The following KCNQ1 variants were observed in gnomAD, a reference collection of about 807,000 sequenced individuals.
KCNQ1 encodes potassium voltage-gated channel subfamily Q member 1, also known as potassium voltage-gated channel subfamily KQT member 1.
A neutral mutation model predicts 72.4 loss-of-function variants in KCNQ1; 49 were observed. The ratio of observed to expected loss-of-function variants is 0.68; its 90% CI spans 0.54 to 0.86. The LOEUF (loss-of-function observed/expected upper bound fraction) is 0.86. Among genes scored for constraint, KCNQ1 ranks in the 40% least tolerant of loss-of-function variants. The probability of loss-of-function intolerance (pLI) is 0.00; values close to 1 mark genes in which losing one functional copy is unlikely to be tolerated. For missense variants in KCNQ1, 790 were observed against 945.1 expected (o/e 0.84, Z 2.15); for synonymous variants, 450 against 412.6 (o/e 1.09, Z -1.10).
At position 2,667,165 on chromosome 11, in the gene KCNQ1, C is replaced by CTT. The variant is rs1292868626; in HGVS notation, c.1514+5085_1514+5086dup. On this transcript the variant is annotated intron_variant, in intron 11 of 15. Transcript: ENST00000155840. ...TGGGAATCAGATGCCCTCAATCTGGCTTCCAGCCTGCCATCAGCCCAGCTG... is the reference window on the plus strand; with the variant it reads ...TGGGAATCAGATGCCCTCAATCTGGCTTTTCCAGCCTGCCATCAGCCCAGCTG... The CTT allele has an allele frequency of 1.0e-5, 4 of 398,686 alleles. No homozygotes were observed. The East Asian group carries it at 1.4e-4, about 14-fold the overall frequency. The allele number at this position is 398,686 out of a possible 1,614,324, so 24.7% of individuals were successfully genotyped here.
In KCNQ1 at chr11:2,699,266, C is replaced by T. The variant is rs375478373; in HGVS notation, c.1514+37185C>T. The T allele has an allele frequency of 8.5e-5, 34 of 398,850 alleles. 1 individual carries two copies. Among genetic ancestry groups the T allele is most frequent in the African/African-American group, 5.1e-4 (25 of 48,772 alleles). The allele number at this position is 398,850 out of a possible 1,614,324, so 24.7% of individuals were successfully genotyped here. ...ATAAGGTGCAGATGGGAGCGCACTGCCCAGGCCAGGCTGCACTGCTGACGC... is the reference window on the plus strand; with the variant it reads ...ATAAGGTGCAGATGGGAGCGCACTGTCCAGGCCAGGCTGCACTGCTGACGC... On this transcript the variant is annotated intron_variant, in intron 11 of 15. Transcript: ENST00000155840.
Position 2,824,923 on chromosome 11 carries a change from C to G in KCNQ1, c.1795-22844C>G, listed in dbSNP as rs553804378. ...GCACAGAGCAGGTTCCCAGTGAGTT[C>G]TGGGGCCTCAGTGACTGGGCAAGGA... On this transcript the variant is annotated intron_variant, in intron 15 of 15. Transcript: ENST00000155840. The surrounding 1 kb of genome is among the most constrained non-coding windows in gnomAD (Gnocchi z 5.9). 2.6e-5 allele frequency among the ~76,000 whole-genome samples: 4 copies of G among 152,234 alleles called. No homozygotes were observed. The highest frequency in any genetic ancestry group is 5.9e-5 in the Non-Finnish European group (4 of 68,046).
chr11:2,445,069 G>A lies in KCNQ1; in HGVS notation c.-30G>A. 5 of 1,056,514 alleles carry A rather than the reference G, an allele frequency of 4.7e-6. No individual in the cohort carries two copies. Among genetic ancestry groups the A allele is most frequent in the Non-Finnish European group, 5.7e-6 (5 of 876,430 alleles). 65.4% of individuals were successfully genotyped at this position (1,056,514 alleles called of 1,614,324 possible). ...GCTGCAGCTCCCGGTGCCGCCGCTC[G>A]GGCCGGCCCCCCGGCAGGCCCTCCT... On this transcript the variant is annotated 5_prime_UTR_variant, in exon 1 of 16. Coordinates refer to ENST00000155840, the MANE Select transcript of KCNQ1 (RefSeq NM_000218.3).
intron 1 of KCNQ1, among the ~76,000 whole-genome samples, chr11:2,521,735 C>A (rs1847385741): frequency 6.6e-6 from 1 of 152,248 alleles, no homozygotes; most frequent in South Asian, 2.1e-4. Context: ...AAGAGGCTGT[C>A]ACTCACTGTG....
chr11:2,662,237 C>G lies in KCNQ1; in HGVS notation c.1514+156C>G, dbSNP rs2075868. 68,255 of 938,182 alleles carry G rather than the reference C, an allele frequency of 0.073. 4,169 individuals are homozygous for G. Among genetic ancestry groups the G allele is most frequent in the East Asian group, 0.29 (11,452 of 39,168 alleles). 58.1% of individuals were successfully genotyped at this position (938,182 alleles called of 1,614,324 possible). On this transcript the variant is annotated intron_variant, in intron 11 of 15. Transcript: ENST00000155840. ...TCTGCCTGGCCCCAACACGGAGGCA[C>G]CAGGCAAGAGAGGAGAGCAAGGGCA...
rs888990408 is a variant in KCNQ1 at position 2,612,573 on chromosome 11, C to A, written c.1393+23719C>A. 1 of 398,482 alleles carries A rather than the reference C, an allele frequency of 2.5e-6. No homozygotes were observed. The highest frequency in any genetic ancestry group is 2.1e-5 in the African/African-American group (1 of 48,624). The allele number at this position is 398,482 out of a possible 1,614,324, so 24.7% of individuals were successfully genotyped here. ...CCTAAGTTATTATATTTCACAACTA[C>A]AGAATTTCTATTTGGTTTCTAATTT... On this transcript the variant is annotated intron_variant, in intron 10 of 15. Coordinates refer to ENST00000155840, the MANE Select transcript of KCNQ1 (RefSeq NM_000218.3). This position sits in a 1 kb window ranked among gnomAD's most constrained non-coding sequence, Gnocchi z 5.5.
At position 2,627,793 on chromosome 11, in the gene KCNQ1, C is replaced by T. The variant is rs538733446; in HGVS notation, c.1394-34168C>T. 2.1e-4 allele frequency: 84 copies of T among 398,340 alleles called. 1 individual carries two copies. The highest frequency in any genetic ancestry group is 1.6e-3 in the African/African-American group (80 of 48,718). 24.7% of individuals were successfully genotyped at this position (398,340 alleles called of 1,614,324 possible). On this transcript the variant is annotated intron_variant, in intron 10 of 15. Transcript: ENST00000155840. This position sits in a 1 kb window ranked among gnomAD's most constrained non-coding sequence, Gnocchi z 4.9. ...TGAGACAGGGTCTCCATCTGTCATCCAGGCAGGAGTACAGTGGCACAATCA... is the reference window on the plus strand; with the variant it reads ...TGAGACAGGGTCTCCATCTGTCATCTAGGCAGGAGTACAGTGGCACAATCA...
intron 15 of KCNQ1, among the ~76,000 whole-genome samples, chr11:2,846,366 T>G (rs1166263653): frequency 6.6e-6 from 1 of 152,096 alleles, no homozygotes; most frequent in African/African-American, 2.4e-5. Context: ...CCCCACCACT[T>G]CTAGGTCTTT....
chr11:2,533,593 C>T (rs930518850), intron 2 of KCNQ1, among the ~76,000 whole-genome samples: 1 of 152,228 alleles, frequency 6.6e-6, no homozygotes, highest in African/African-American at 2.4e-5. Context: ...TAGCTCCGTG[C>T]GCACATGCGT....
At chr11:2,811,769 C>T (rs534629886) in intron 15 of KCNQ1, among the ~76,000 whole-genome samples, 43 of 152,312 alleles carry the variant, frequency 2.8e-4, no homozygotes, top group East Asian at 2.5e-3. Context: ...AGCTGAGCAA[C>T]GGTGGCTGGG....
intron 10 of KCNQ1, chr11:2,644,323 A>C (rs1849631577): frequency 2.5e-6 from 1 of 398,242 alleles, no homozygotes; most frequent in South Asian, 1.3e-4. Context: ...ACTTATCTTC[A>C]AGGTGTGAAA....
rs1011878447 is a variant in KCNQ1, at chr11:2,667,417, G to A, written c.1514+5336G>A. 1.3e-5 allele frequency: 5 copies of A among 398,588 alleles called. No individual in the cohort carries two copies. In the Admixed American group the frequency reaches 1.8e-4, roughly 14 times the overall value. The allele number at this position is 398,588 out of a possible 1,614,324, so 24.7% of individuals were successfully genotyped here. A position where few individuals can be genotyped will look rare whatever the true frequency, so the allele number is the denominator to read the frequency against. ...TGGCCAGGCTCAGCCCTCTCCACTT[G>A]TGAACTCCCAGCCATGATGCTGCTC... On this transcript the variant is annotated intron_variant, in intron 11 of 15. Transcript: ENST00000155840.
chr11:2,617,418 C>A lies in KCNQ1; in HGVS notation c.1393+28564C>A, dbSNP rs542925298. 5.0e-6 allele frequency: 2 copies of A among 398,218 alleles called. No homozygotes were observed. The highest frequency in any genetic ancestry group is 4.4e-6 in the Non-Finnish European group (1 of 225,950). The allele number at this position is 398,218 out of a possible 1,614,324, so 24.7% of individuals were successfully genotyped here. A position where few individuals can be genotyped will look rare whatever the true frequency, so the allele number is the denominator to read the frequency against. On this transcript the variant is annotated intron_variant, in intron 10 of 15. Transcript: ENST00000155840. This position sits in a 1 kb window ranked among gnomAD's most constrained non-coding sequence, Gnocchi z 4.6. ...AGTGGCAGGATCTCCTTTTTTAATG[C>A]GGAATAATATTCCATTGTAGACATA...
chr11:2,799,810 A>G (rs964613447), intron 15 of KCNQ1, among the ~76,000 whole-genome samples: 10 of 152,150 alleles, frequency 6.6e-5, no homozygotes, highest in African/African-American at 2.4e-4. Flanking sequence ...AGTTGTACAG[A>G]GTGGAAATGA....
At chr11:2,791,628 C>T (rs1204901167) in intron 15 of KCNQ1, among the ~76,000 whole-genome samples, 1 of 152,088 alleles carries the variant, frequency 6.6e-6, no homozygotes, top group African/African-American at 2.4e-5. Context: ...CGGCACAGGC[C>T]CAGCACGTCC....
At position 2,710,059 on chromosome 11, in the gene KCNQ1, G is replaced by A. The variant is rs1850979043; in HGVS notation, c.1514+47978G>A. The stretch of plus-strand genomic sequence containing the variant: ...TCCATATTTAACCTTTTGAGGATCT[G>A]CCAGACTGTTTTCCAATGTGGCAGC... On this transcript the variant is annotated intron_variant, in intron 11 of 15. Transcript: ENST00000155840. The surrounding 1 kb of genome is among the most constrained non-coding windows in gnomAD (Gnocchi z 4.1). 6.6e-6 allele frequency among the ~76,000 whole-genome samples: 1 copy of A among 152,202 alleles called. No homozygotes were observed. The highest frequency in any genetic ancestry group is 1.5e-5 in the Non-Finnish European group (1 of 68,034).
rs144119570 is a variant in KCNQ1, at chr11:2,457,925, C to A, written c.386+12441C>A. On this transcript the variant is annotated intron_variant, in intron 1 of 15. Transcript: ENST00000155840. The surrounding 1 kb of genome is among the most constrained non-coding windows in gnomAD (Gnocchi z 5.0). ...TCCAGGATGACGTTTACTTAAATATCTCTGTTTCCTGGAAAGGCCCAGGAC... is the reference window on the plus strand; with the variant it reads ...TCCAGGATGACGTTTACTTAAATATATCTGTTTCCTGGAAAGGCCCAGGAC... 1.7e-3 allele frequency among the ~76,000 whole-genome samples: 257 copies of A among 152,070 alleles called. No individual in the cohort carries two copies. Among genetic ancestry groups the A allele is most frequent in the African/African-American group, 5.3e-3 (219 of 41,468 alleles).
intron 10 of KCNQ1, chr11:2,625,400 T>C (rs569133493): frequency 2.5e-5 from 10 of 398,598 alleles, no homozygotes; most frequent in East Asian, 2.1e-4. Context: ...ATACTAGAGA[T>C]GGGTCTCACT....
intron 2 of KCNQ1, among the ~76,000 whole-genome samples, chr11:2,533,206 T>TGTTA (rs1250868600): frequency 2.6e-5 from 4 of 152,218 alleles, no homozygotes; most frequent in African/African-American, 9.7e-5. Context: ...GCCAGAAAGC[T>TGTTA]GTTATCTCAG....
Sources: allele counts gnomAD v4.1 joint callset (sites outside exome capture counted in the v4.1 genomes callset), GRCh38; gene constraint gnomAD v4.1.1; non-coding constraint Gnocchi (gnomAD v3.1); transcripts MANE v1.5; gene names NCBI Gene and HGNC (gene_info 2026-07-23, HGNC 2026-07-21).